Variants in SLC28A1 observed in about 807,000 individuals in gnomAD.
The protein encoded by SLC28A1 is sodium/nucleoside cotransporter 1.
In SLC28A1, 64 loss-of-function variants were observed where a neutral mutation model predicts 74.8. The observed-to-expected ratio is 0.86, with a 90% CI of 0.70 to 1.05. SLC28A1 has a LOEUF of 1.05. Among genes scored for constraint, SLC28A1 ranks in the 50% least tolerant of loss-of-function variants. The pLI, the probability that SLC28A1 is intolerant of heterozygous loss-of-function variation, is 0.00. For synonymous variants in SLC28A1, 359 were observed against 335.0 expected, an observed-to-expected ratio of 1.07 and a Z score of -0.78; for missense variants, 828 against 822.8, an observed-to-expected ratio of 1.01 and a Z score of -0.08.
intron 6 of SLC28A1, among the ~76,000 whole-genome samples, chr15:84,898,137 T>C (rs1210068803): frequency 6.6e-6 from 1 of 152,100 alleles, no homozygotes; most frequent in Non-Finnish European, 1.5e-5. Flanking sequence ...TCCTTTTTTT[T>C]TTTTTCATAT....
chr15:84,887,010 T>C (rs989699077), intron 2 of SLC28A1, among the ~76,000 whole-genome samples: 1 of 152,202 alleles, frequency 6.6e-6, no homozygotes, highest in Non-Finnish European at 1.5e-5. Context: ...ACCACTCTTA[T>C]TTACAGATGA....
chr15:84,895,190 G>GTT, intron 6 of SLC28A1, 67 bp downstream of exon 6: 1 of 1,597,368 alleles, frequency 6.3e-7, no homozygotes. Flanking sequence ...TGGCTCCAGG[G>GTT]TTATGGCCAG....
intron 2 of SLC28A1, chr15:84,887,275 G>A: frequency 1.3e-6 from 1 of 794,134 alleles, no homozygotes; most frequent in Non-Finnish European, 1.5e-6. Context: ...GCCTGTATCA[G>A]ATACATATGC....
At chr15:84,903,816 T>A (rs1806891935) in intron 6 of SLC28A1, among the ~76,000 whole-genome samples, 1 of 152,150 alleles carries the variant, frequency 6.6e-6, no homozygotes, top group South Asian at 2.1e-4. Flanking sequence ...TATCCCCTTA[T>A]ATAATCCTCT....
intron 12 of SLC28A1, among the ~76,000 whole-genome samples, chr15:84,932,194 C>T (rs1272437614): frequency 6.6e-6 from 1 of 152,136 alleles, no homozygotes; most frequent in Non-Finnish European, 1.5e-5. Context: ...CACTGTGAGG[C>T]CTTGATGACC....
chr15:84,952,152 G>A, the SLC28A1 span, among the ~76,000 whole-genome samples: 1 of 152,268 alleles, frequency 6.6e-6, no homozygotes, highest in East Asian at 1.9e-4. Context: ...AGGCTTCTCA[G>A]GTCCCCATCC....
chr15:84,906,672 C>A (rs1195408036), intron 8 of SLC28A1, among the ~76,000 whole-genome samples: 1 of 140,990 alleles, frequency 7.1e-6, no homozygotes, highest in Admixed American at 7.4e-5. Context: ...TTTTTAGGTA[C>A]AGGGTCTCCC....
chr15:84,895,583 G>A (rs1965908939), intron 6 of SLC28A1: 1 of 1,521,340 alleles, frequency 6.6e-7, no homozygotes. Flanking sequence ...GAGATCTGCT[G>A]CTTTTCAAAC....
Position 84,943,426 on chromosome 15 carries a change from G to A in SLC28A1, c.1582-19G>A, listed in dbSNP as rs774992300. The A allele has an allele frequency of 3.1e-6, 5 of 1,602,634 alleles. No homozygotes were observed. The highest frequency in any genetic ancestry group is 2.2e-5 in the East Asian group (1 of 44,810). Reference sequence around the variant, plus strand: ...CCATCTGAGGGGAGCCCCTCCTCATGCATCTTCTGTATTTTCAGGTCAGAG... The same window carrying A: ...CCATCTGAGGGGAGCCCCTCCTCATACATCTTCTGTATTTTCAGGTCAGAG... On this transcript the variant is annotated intron_variant, in intron 15 of 18. Coordinates refer to ENST00000394573, the MANE Select transcript of SLC28A1 (RefSeq NM_004213.5).
At chr15:84,952,018 G>A in the SLC28A1 span, among the ~76,000 whole-genome samples, 2 of 152,126 alleles carry the variant, frequency 1.3e-5, no homozygotes, top group Non-Finnish European at 2.9e-5. Flanking sequence ...CATGTGCTGT[G>A]TATAACCTTT....
downstream of SLC28A1, among the ~76,000 whole-genome samples, chr15:84,946,070 ATG>A (rs112972176): frequency 0.083 from 4,725 of 56,976 alleles, 702 homozygotes; most frequent in African/African-American, 0.27. Context: ...ATATATATAT[ATG>A]TGTGTGTATG....
the SLC28A1 span, among the ~76,000 whole-genome samples, chr15:84,970,803 G>T: frequency 6.6e-6 from 1 of 151,740 alleles, no homozygotes; most frequent in Non-Finnish European, 1.5e-5. Flanking sequence ...TTTTAGACCA[G>T]CCTGAGCAAC....
rs768076441 is a variant in SLC28A1, at chr15:84,890,505, G to A, written c.248G>A (p.Arg83Gln). ...TGCAGGGAGCACATGCAGCTGTTTCGATGGATCGGCACAGGCCTGCTCTGC... is the reference window on the plus strand; with the variant it reads ...TGCAGGGAGCACATGCAGCTGTTTCAATGGATCGGCACAGGCCTGCTCTGC... Reference protein sequence around the residue: ...SFCREHMQLFRWIGTGLLCTG... With the variant: ...SFCREHMQLFQWIGTGLLCTG... The change falls in exon 5 of 19, where the codon CGA becomes CAA. Residue 83 changes from arginine (R) to glutamine (Q), a missense_variant. Around this residue, in one of 3 missense-constraint regions of SLC28A1, gnomAD observed 767 missense variants for 753.5 expected, o/e 1.02. Transcript: ENST00000394573. The A allele has an allele frequency of 6.2e-6, 10 of 1,611,172 alleles. No homozygotes were observed. Among genetic ancestry groups the A allele is most frequent in the South Asian group, 1.1e-5 (1 of 90,708 alleles).
At chr15:84,946,817 C>T (rs1358826081), downstream of SLC28A1, among the ~76,000 whole-genome samples, 1 of 152,140 alleles carries the variant, frequency 6.6e-6, no homozygotes, top group Non-Finnish European at 1.5e-5. Context: ...CTATCACCAG[C>T]ATGCCCTCTC....
the SLC28A1 span, chr15:84,961,577 A>G: frequency 6.7e-6 from 3 of 447,394 alleles, no homozygotes; most frequent in Non-Finnish European, 1.3e-5. Flanking sequence ...CTGGCCTTAA[A>G]TGATCCTACT....
At chr15:84,887,669 C>A in intron 2 of SLC28A1, 76 bp from the exon 3 acceptor site, 1 of 1,578,646 alleles carries the variant, frequency 6.3e-7, no homozygotes, top group South Asian at 1.1e-5. Flanking sequence ...AGTCCTCTCC[C>A]CTTTCCCCGG....
At chr15:84,895,767 C>A in intron 6 of SLC28A1, 1 of 1,215,550 alleles carries the variant, frequency 8.2e-7, no homozygotes, top group Non-Finnish European at 1.0e-6. Flanking sequence ...GGGAAAAAAA[C>A]AGTTTCTATG....
Position 84,904,204 on chromosome 15 carries a change from C to T in SLC28A1, c.569C>T (p.Ala190Val), listed in dbSNP as rs202068367. The change falls in exon 7 of 19, where the codon GCT becomes GTT. Residue 190 changes from alanine (A) to valine (V), a missense_variant. Ala to Val is a moderately conservative substitution (Grantham distance 64). Around this residue, in one of 3 missense-constraint regions of SLC28A1, gnomAD observed 767 missense variants for 753.5 expected, o/e 1.02. Transcript: ENST00000394573. The stretch of plus-strand genomic sequence containing the variant: ...TTCGCAGGAATCTGCGTGTTCGTCG[C>T]TCTCCTCTTTGCCTGCTCAAAGCAT... ...VSFAGICVFV[A>V]LLFACSKHHC... 5.0e-6 allele frequency: 8 copies of T among 1,614,062 alleles called. No homozygotes were observed. Among genetic ancestry groups the T allele is most frequent in the African/African-American group, 2.7e-5 (2 of 74,938 alleles).
chr15:84,945,362 G>A lies in SLC28A1; in HGVS notation c.*162G>A. ...AGGGTTCATGGAGTGAGTGTGCAGA[G>A]AGTGAGTGAGGACATAAGGAAGGAC... On this transcript the variant is annotated 3_prime_UTR_variant, in exon 19 of 19. Transcript: ENST00000394573. 4 of 700,942 alleles carry A rather than the reference G, an allele frequency of 5.7e-6. No individual in the cohort carries two copies. The South Asian group carries it at 6.1e-5, about 11-fold the overall frequency. 43.4% of individuals were successfully genotyped at this position (700,942 alleles called of 1,614,324 possible).
Sources: allele counts gnomAD v4.1 joint callset (sites outside exome capture counted in the v4.1 genomes callset), GRCh38; gene constraint gnomAD v4.1.1; regional missense constraint gnomAD v4.1.1; transcripts MANE v1.5; gene names NCBI Gene and HGNC (gene_info 2026-07-23, HGNC 2026-07-21).